The following PCDH11X variants were observed in gnomAD, a reference collection of about 807,000 sequenced individuals.
PCDH11X encodes protocadherin 11 X-linked, also known as protocadherin-11 X-linked.
A neutral mutation model predicts 53.3 loss-of-function variants in PCDH11X; 18 were observed. That is an observed-to-expected ratio of 0.34 (90% CI 0.23 to 0.50). The LOEUF is 0.50. PCDH11X is among the 20% of genes least tolerant of loss of function. The pLI is 0.98. For missense variants in PCDH11X, 570 were observed against 1,032.4 expected, an observed-to-expected ratio of 0.55 and a Z score of 6.14; for synonymous variants, 279 against 393.3, an observed-to-expected ratio of 0.71 and a Z score of 3.44.
At chrX:91,790,171 T>C (rs1935482143) in intron 1 of PCDH11X, among the ~76,000 whole-genome samples, 1 of 111,300 alleles carries the variant, frequency 9.0e-6, no homozygotes, top group South Asian at 3.8e-4. Flanking sequence ...TATTTGCATT[T>C]AGAGGTTAAA....
At chrX:91,910,718 C>A (rs765173594) in intron 6 of PCDH11X, among the ~76,000 whole-genome samples, 98 of 111,421 alleles carry the variant, frequency 8.8e-4, no homozygotes, top group African/African-American at 3.1e-3. Context: ...TCACATTTTC[C>A]AACATGATTG....
At chrX:92,318,331 C>T (rs148095726) in intron 8 of PCDH11X, among the ~76,000 whole-genome samples, 2 of 111,808 alleles carry the variant, frequency 1.8e-5, no homozygotes, top group Non-Finnish European at 3.8e-5. Flanking sequence ...TGCTTTTCTA[C>T]AGTGTCAACC....
At chrX:91,996,025 T>G (rs2062413911) in intron 6 of PCDH11X, among the ~76,000 whole-genome samples, 1 of 107,317 alleles carries the variant, frequency 9.3e-6, no homozygotes, top group Non-Finnish European at 1.9e-5. Context: ...TATTTTTTAG[T>G]AGAGACGGGG....
chrX:92,102,202 C>T (rs1328159839), intron 6 of PCDH11X, among the ~76,000 whole-genome samples: 1 of 111,119 alleles, frequency 9.0e-6, no homozygotes, highest in Non-Finnish European at 1.9e-5. Context: ...AGCCGGGGAG[C>T]AGAAAGTATA....
chrX:92,399,617 A>G (rs2071337401), intron 9 of PCDH11X, among the ~76,000 whole-genome samples: 1 of 112,160 alleles, frequency 8.9e-6, no homozygotes, highest in Non-Finnish European at 1.9e-5. Context: ...CATTATAGAA[A>G]GTTTCGAAGG....
In PCDH11X at chrX:92,532,698, A is replaced by G. The variant is rs2074580505; in HGVS notation, c.3367+64376A>G. Among the ~76,000 whole-genome samples, 3 of 108,191 alleles carry G rather than the reference A, an allele frequency of 2.8e-5. No homozygotes were observed. The Admixed American group carries it at 3.0e-4, about 11-fold the overall frequency. 94.0% of individuals were successfully genotyped at this position (108,191 alleles called of 115,157 possible). A position where few individuals can be genotyped will look rare whatever the true frequency, so the allele number is the denominator to read the frequency against. On this transcript the variant is annotated intron_variant, in intron 10 of 10. Coordinates refer to ENST00000682573, the MANE Select transcript of PCDH11X (RefSeq NM_032968.5). ...AGAAGGCAAAGCAAGATGGTGGAATAGAAAACTCCACCAATTCTGCCCCTG... is the reference window on the plus strand; with the variant it reads ...AGAAGGCAAAGCAAGATGGTGGAATGGAAAACTCCACCAATTCTGCCCCTG...
At chrX:92,030,064 G>T (rs1205580911) in intron 6 of PCDH11X, among the ~76,000 whole-genome samples, 1 of 111,955 alleles carries the variant, frequency 8.9e-6, no homozygotes, top group Non-Finnish European at 1.9e-5. Context: ...CCAGGTTCAA[G>T]CGATTCTCCT....
At chrX:91,870,220 A>G (rs1939212755) in intron 5 of PCDH11X, among the ~76,000 whole-genome samples, 1 of 111,944 alleles carries the variant, frequency 8.9e-6, no homozygotes, top group Non-Finnish European at 1.9e-5. Flanking sequence ...GTGAATTTAA[A>G]TTAACACTTT....
intron 5 of PCDH11X, among the ~76,000 whole-genome samples, chrX:91,864,834 A>C (rs1057147038): frequency 3.6e-5 from 4 of 111,892 alleles, no homozygotes; most frequent in African/African-American, 1.3e-4. Context: ...CTATTGCATT[A>C]TTTAACTTCA....
At chrX:92,098,636 C>CT (rs34306564) in intron 6 of PCDH11X, among the ~76,000 whole-genome samples, 15,478 of 43,913 alleles carry the variant, frequency 0.35, 4,225 homozygotes, top group Non-Finnish European at 0.47. Flanking sequence ...TCCAAATGCT[C>CT]TTTTTTTTTT....
At chrX:92,543,790 A>G (rs1290480246) in intron 10 of PCDH11X, among the ~76,000 whole-genome samples, 1 of 110,162 alleles carries the variant, frequency 9.1e-6, no homozygotes, top group African/African-American at 3.3e-5. Flanking sequence ...AAAAAAAAAA[A>G]GTTTTATCAT....
intron 10 of PCDH11X, among the ~76,000 whole-genome samples, chrX:92,501,390 ATCC>A (rs1409763836): frequency 1.8e-5 from 2 of 111,419 alleles, no homozygotes; most frequent in Non-Finnish European, 3.8e-5. Context: ...GGCTAGCATT[ATCC>A]TGATACCAAA....
At chrX:92,334,165 CTA>C (rs774599751) in intron 8 of PCDH11X, among the ~76,000 whole-genome samples, 5 of 111,680 alleles carry the variant, frequency 4.5e-5, no homozygotes, top group Non-Finnish European at 7.5e-5. Context: ...AATGTAGACA[CTA>C]GTCTATTTTA....
chrX:91,926,699 A>C (rs770108693), intron 6 of PCDH11X, among the ~76,000 whole-genome samples: 2 of 110,834 alleles, frequency 1.8e-5, no homozygotes, highest in Non-Finnish European at 3.8e-5. Flanking sequence ...TTTTTAGTTC[A>C]CACATAATTG....
At chrX:92,328,985 AG>A (rs2069399695) in intron 8 of PCDH11X, among the ~76,000 whole-genome samples, 1 of 111,289 alleles carries the variant, frequency 9.0e-6, no homozygotes, top group South Asian at 3.8e-4. Flanking sequence ...TTTGAAGAGA[AG>A]AAAGCTTGCA....
In PCDH11X at chrX:92,348,627, C is replaced by T. The variant is rs1236521480; in HGVS notation, c.3145-39108C>T. Reference sequence around the variant, plus strand: ...TCTCGGCTCACTGCAAACTCTGCCTCCTGCTTTCAAGCAATTCTCCTGCCT... The same window carrying T: ...TCTCGGCTCACTGCAAACTCTGCCTTCTGCTTTCAAGCAATTCTCCTGCCT... On this transcript the variant is annotated intron_variant, in intron 8 of 10. Transcript: ENST00000682573. Among the ~76,000 whole-genome samples the T allele has an allele frequency of 7.8e-4, 84 of 107,857 alleles. 1 individual carries two copies. Among genetic ancestry groups the T allele is most frequent in the African/African-American group, 2.7e-3 (80 of 29,515 alleles). The allele number at this position is 107,857 out of a possible 115,157, so 93.7% of individuals were successfully genotyped here.
At chrX:92,548,590 C>T (rs1200065467) in intron 10 of PCDH11X, among the ~76,000 whole-genome samples, 1 of 108,975 alleles carries the variant, frequency 9.2e-6, no homozygotes, top group Non-Finnish European at 1.9e-5. Context: ...TCGGTTAACA[C>T]TAGCACCTTC....
intron 8 of PCDH11X, among the ~76,000 whole-genome samples, chrX:92,365,574 C>G (rs969852223): frequency 9.0e-6 from 1 of 111,022 alleles, no homozygotes; most frequent in Non-Finnish European, 1.9e-5. Context: ...TTGCCACAAA[C>G]ACATGAGTAA....
At chrX:91,983,864 T>A (rs1237014746) in intron 6 of PCDH11X, among the ~76,000 whole-genome samples, 2 of 110,766 alleles carry the variant, frequency 1.8e-5, no homozygotes. Flanking sequence ...ACAAAACATA[T>A]CATAGAAAAT....
Sources: gnomAD v4.1 joint callset for allele counts (sites outside exome capture counted in the v4.1 genomes callset) on GRCh38, gnomAD v4.1.1 for gene constraint, MANE v1.5 for transcripts, NCBI Gene and HGNC (gene_info 2026-07-23, HGNC 2026-07-21) for gene names.